Variants in FBXO21 observed in about 807,000 individuals in gnomAD.
FBXO21 encodes the protein F-box only protein 21.
FBXO21 carries 32 observed loss-of-function variants against 76.6 expected under a neutral mutation model. That is an observed-to-expected ratio of 0.42 (90% confidence interval 0.32 to 0.56). The LOEUF is 0.56. FBXO21 is among the 20% of genes least tolerant of loss of function. The pLI, the probability that FBXO21 is intolerant of heterozygous loss-of-function variation, is 0.16. For missense variants in FBXO21, 586 were observed against 797.3 expected (o/e 0.73, Z 3.19); for synonymous variants, 328 against 311.5 (o/e 1.05, Z -0.56).
At chr12:117,177,379 T>C in intron 4 of FBXO21, 141 bp downstream of exon 4, 1 of 708,978 alleles carries the variant, frequency 1.4e-6, no homozygotes. Flanking sequence ...GGCCCTATAA[T>C]CCAACCTGCA....
Position 117,182,307 on chromosome 12 carries a change from AAC to A in FBXO21, c.470+4168_470+4169del, listed in dbSNP as rs1452062551. ...TCAAGAGTTCAAGACCAGCCTGGGA[AAC>A]ATAGTGAGACACTGTCTCTACCAAA... is the stretch of plus-strand genomic sequence containing the variant. On this transcript the variant is annotated intron_variant, in intron 3 of 11. Transcript: ENST00000622495. 2.0e-5 allele frequency among the ~76,000 whole-genome samples: 3 copies of A among 152,182 alleles called. No individual in the cohort carries two copies. In the East Asian group the frequency reaches 5.8e-4, roughly 29 times the overall value.
At chr12:117,180,933 A>C (rs2135882043) in intron 3 of FBXO21, among the ~76,000 whole-genome samples, 1 of 152,220 alleles carries the variant, frequency 6.6e-6, no homozygotes, top group South Asian at 2.1e-4. Context: ...ATTACTGAAA[A>C]CAGCTAAATA....
Position 117,150,956 on chromosome 12 carries a change from TTGTGTGTGTGTG to T in FBXO21, c.1676-4691_1676-4680del, listed in dbSNP as rs3999685. The stretch of plus-strand genomic sequence containing the variant: ...TTGAGTTTGGAAGTATCAAATAAGT[TTGTGTGTGTGTG>T]TGTGTGTGTGTGTGTGTGTGTGTGT... On this transcript the variant is annotated intron_variant, in intron 11 of 11. Coordinates refer to ENST00000622495, the MANE Select transcript of FBXO21 (RefSeq NM_015002.3). Among the ~76,000 whole-genome samples the T allele has an allele frequency of 3.7e-3, 352 of 94,706 alleles. 2 individuals are homozygous for T. Among genetic ancestry groups the T allele is most frequent in the Middle Eastern group, 0.015 (3 of 200 alleles). The allele number at this position is 94,706 out of a possible 152,430, so 62.1% of individuals were successfully genotyped here.
At chr12:117,165,881 T>A (rs1956048184) in intron 8 of FBXO21, among the ~76,000 whole-genome samples, 1 of 152,178 alleles carries the variant, frequency 6.6e-6, no homozygotes, top group Non-Finnish European at 1.5e-5. Context: ...GCAATAACAC[T>A]GTACATAATT....
chr12:117,174,380 A>G lies in FBXO21; in HGVS notation c.740-39T>C, dbSNP rs1370891952. On this transcript the variant is annotated intron_variant, in intron 5 of 11. Transcript: ENST00000622495. ...ATCTACTCTGGGACCCAAGCACAAA[A>G]AAGGTTGTGACAGGTGCCCCAAACA... 4.3e-5 allele frequency: 69 copies of G among 1,610,762 alleles called. No homozygotes were observed. The East Asian group carries it at 1.5e-3, about 36-fold the overall frequency.
chr12:117,182,767 T>G (rs73393645), intron 3 of FBXO21, among the ~76,000 whole-genome samples: 29,915 of 151,602 alleles, frequency 0.2, 3,342 homozygotes, highest in East Asian at 0.41. Flanking sequence ...TTTACCATGT[T>G]GGACAGGCTG....
intron 3 of FBXO21, among the ~76,000 whole-genome samples, chr12:117,182,803 T>C (rs960569116): frequency 4.6e-5 from 7 of 152,036 alleles, no homozygotes; most frequent in Non-Finnish European, 8.8e-5. Flanking sequence ...CCTCAAGTGA[T>C]CAACCCGCCT....
chr12:117,162,605 C>T lies in FBXO21; in HGVS notation c.1326+2880G>A, dbSNP rs1039304298. ...TAACCCTGCATTACTGTGACAGTGA[C>T]CAAGGCGGCTGATGTTTCTTAGCTC... On this transcript the variant is annotated intron_variant, in intron 9 of 11. Transcript: ENST00000622495. Among the ~76,000 whole-genome samples, 4 of 152,184 alleles carry T rather than the reference C, an allele frequency of 2.6e-5. No homozygotes were observed. In the South Asian group the frequency reaches 8.3e-4, roughly 31 times the overall value.
At position 117,168,569 on chromosome 12, in the gene FBXO21, C is replaced by CA. The variant is rs75518385; in HGVS notation, c.1014-1493dup. Among the ~76,000 whole-genome samples the CA allele has an allele frequency of 9.3e-4, 140 of 149,940 alleles. 2 individuals are homozygous for CA. In the East Asian group the frequency reaches 0.021, roughly 23 times the overall value. On this transcript the variant is annotated intron_variant, in intron 7 of 11. Transcript: ENST00000622495. ...AATAAATAAACCTATGAGGAAAGTA[C>CA]AAAAAAAAATAAGAATTACATAAAT...
At chr12:117,158,181 G>T in intron 9 of FBXO21, 118 bp from the exon 10 acceptor site, 1 of 1,162,646 alleles carries the variant, frequency 8.6e-7, no homozygotes, top group Admixed American at 1.9e-5. Flanking sequence ...CAAAAGGGGT[G>T]GCTATGCCCT....
Position 117,186,488 on chromosome 12 carries a change from A to G in FBXO21, c.459T>C (p.Asn153=). 1.9e-6 allele frequency: 3 copies of G among 1,608,884 alleles called. No homozygotes were observed. In the South Asian group the frequency reaches 3.3e-5, roughly 18 times the overall value. The change falls in exon 3 of 12, where the codon AAT becomes AAC. Residue 153 remains asparagine, a synonymous_variant. Coordinates refer to ENST00000622495, the MANE Select transcript of FBXO21 (RefSeq NM_015002.3). ...AAGCTATGGCTTACCTTCCTTCCAT[A>G]TTTAGGATACACACCAGTTCATCCT... The part of the protein sequence containing the change: ...FFEDELVCIL[N]MEGRKALTWK...
chr12:117,184,448 G>T (rs934682904), intron 3 of FBXO21, among the ~76,000 whole-genome samples: 2 of 152,112 alleles, frequency 1.3e-5, no homozygotes, highest in Admixed American at 1.3e-4. Context: ...AAAAGTGGTT[G>T]TCCATCTATA....
intron 10 of FBXO21, 108 bp from the exon 11 acceptor site, chr12:117,156,056 C>T (rs1420079737): frequency 3.0e-6 from 3 of 1,004,890 alleles, no homozygotes; most frequent in Admixed American, 2.0e-5. Context: ...CTTTACTCCA[C>T]GGTGAATCAT....
At position 117,158,982 on chromosome 12, in the gene FBXO21, C is replaced by T. The variant is rs148999230; in HGVS notation, c.1327-919G>A. Among the ~76,000 whole-genome samples, 296 of 152,312 alleles carry T rather than the reference C, an allele frequency of 1.9e-3. 2 individuals carry two copies. Among genetic ancestry groups the T allele is most frequent in the Middle Eastern group, 6.8e-3 (2 of 294 alleles). Reference sequence around the variant, plus strand: ...GTCCTGGATTACAGCCTGCTTAGTGCGTTACAGCAACCTGGACTCTAGGCC... The same window carrying T: ...GTCCTGGATTACAGCCTGCTTAGTGTGTTACAGCAACCTGGACTCTAGGCC... On this transcript the variant is annotated intron_variant, in intron 9 of 11. Transcript: ENST00000622495.
At chr12:117,174,960 CAACA>C (rs1280934833) in intron 4 of FBXO21, among the ~76,000 whole-genome samples, 163 bp from the exon 5 acceptor site, 5 of 151,686 alleles carry the variant, frequency 3.3e-5, no homozygotes, top group Non-Finnish European at 5.9e-5. Context: ...TGAGAAGGAG[CAACA>C]AACATTTTCA....
intron 3 of FBXO21, among the ~76,000 whole-genome samples, chr12:117,180,051 T>C (rs1956213045): frequency 6.6e-6 from 1 of 152,222 alleles, no homozygotes; most frequent in Admixed American, 6.5e-5. Context: ...AACTGTCACA[T>C]CTTTGGCCAC....
intron 3 of FBXO21, among the ~76,000 whole-genome samples, chr12:117,181,313 T>C (rs1490829586): frequency 1.3e-5 from 2 of 152,248 alleles, no homozygotes; most frequent in Non-Finnish European, 2.9e-5. Context: ...CCTTAGATCA[T>C]TGAGTATCTT....
At chr12:117,146,315 T>C in intron 11 of FBXO21, 38 bp from the exon 12 acceptor site, 1 of 1,518,822 alleles carries the variant, frequency 6.6e-7, no homozygotes, top group South Asian at 1.3e-5. Context: ...CTCATTACAA[T>C]GTCCATTGCT....
At chr12:117,189,018 T>C (rs1311486448) in intron 2 of FBXO21, 1 of 605,186 alleles carries the variant, frequency 1.7e-6, no homozygotes. Flanking sequence ...TCTCTGGCTT[T>C]AGAAAAGTAA....
Sources: allele counts gnomAD v4.1 joint callset (sites outside exome capture counted in the v4.1 genomes callset), GRCh38; gene constraint gnomAD v4.1.1; transcripts MANE v1.5; gene names NCBI Gene and HGNC (gene_info 2026-07-23, HGNC 2026-07-21).